DGKI: variants seen among roughly 807,000 people sequenced by gnomAD.
DGKI encodes diacylglycerol kinase iota.
In DGKI, 55 loss-of-function variants were observed where a neutral mutation model predicts 147.5. That is an observed-to-expected ratio of 0.37 (90% CI 0.30 to 0.47). DGKI has a LOEUF of 0.47. DGKI is among the 20% of genes least tolerant of loss of function. The probability of loss-of-function intolerance (pLI) is 1.00; values close to 1 mark genes in which losing one functional copy is unlikely to be tolerated. For synonymous variants in DGKI, 469 were observed against 477.1 expected (o/e 0.98, Z 0.22); for missense variants, 1,007 against 1,323.8 (o/e 0.76, Z 3.71).
intron 12 of DGKI, among the ~76,000 whole-genome samples, chr7:137,592,976 G>T (rs1819667202): frequency 6.6e-6 from 1 of 152,172 alleles, no homozygotes; most frequent in Non-Finnish European, 1.5e-5. Flanking sequence ...AATGAGGAAA[G>T]GGGCTTAGGA....
chr7:137,695,442 T>A lies in DGKI; in HGVS notation c.402-5440A>T, dbSNP rs1423692024. Among the ~76,000 whole-genome samples the A allele has an allele frequency of 2.0e-5, 3 of 152,350 alleles. No homozygotes were observed. In the East Asian group the frequency reaches 5.8e-4, roughly 29 times the overall value. On this transcript the variant is annotated intron_variant, in intron 1 of 32. Transcript: ENST00000614521. Reference sequence around the variant, plus strand: ...CTTACATTTGAACAGAAAATACATTTTGCCAGGCACTGAATCTTTTTACAT... The same window carrying A: ...CTTACATTTGAACAGAAAATACATTATGCCAGGCACTGAATCTTTTTACAT...
chr7:137,526,039 A>G (rs1301925048), intron 20 of DGKI, among the ~76,000 whole-genome samples: 1 of 152,158 alleles, frequency 6.6e-6, no homozygotes, highest in African/African-American at 2.4e-5. Flanking sequence ...GATTAAATGA[A>G]AGCCAAGTAA....
rs1307556011 is a variant in DGKI at position 137,387,754 on chromosome 7, T to G, written c.*3466A>C. On this transcript the variant is annotated 3_prime_UTR_variant, in exon 33 of 33. Coordinates refer to ENST00000614521, the MANE Select transcript of DGKI (RefSeq NM_001321708.2). The stretch of plus-strand genomic sequence containing the variant: ...ATACTCATCTGTGGTATTAAAACAT[T>G]TTATAAAAAGCATGTGCCATTTTTA... The G allele has an allele frequency of 1.3e-5, 2 of 152,132 alleles. No homozygotes were observed. Among genetic ancestry groups the G allele is most frequent in the Non-Finnish European group, 2.9e-5 (2 of 68,020 alleles). 9.4% of individuals were successfully genotyped at this position (152,132 alleles called of 1,614,324 possible).
chr7:137,643,754 G>A (rs74806570), intron 6 of DGKI, among the ~76,000 whole-genome samples: 8,743 of 152,240 alleles, frequency 0.057, 750 homozygotes, highest in African/African-American at 0.18. Flanking sequence ...ATGCCAACAA[G>A]AGGCCAGAAG....
intron 1 of DGKI, among the ~76,000 whole-genome samples, chr7:137,840,636 T>G (rs796136228): frequency 5.3e-5 from 8 of 152,340 alleles, no homozygotes; most frequent in African/African-American, 1.9e-4. Context: ...AAATGGCTGA[T>G]GCAGGTACGC....
intron 30 of DGKI, among the ~76,000 whole-genome samples, chr7:137,406,594 C>T (rs534296898): frequency 2.6e-5 from 4 of 152,182 alleles, no homozygotes; most frequent in South Asian, 2.1e-4. Context: ...GGGTGTCTAA[C>T]GTGATTGATA....
chr7:137,476,434 A>AT (rs1303101399), intron 23 of DGKI, among the ~76,000 whole-genome samples: 1 of 152,020 alleles, frequency 6.6e-6, no homozygotes, highest in African/African-American at 2.4e-5. Context: ...AGACTATTCC[A>AT]TTTTTTATTT....
intron 1 of DGKI, among the ~76,000 whole-genome samples, chr7:137,742,552 T>C (rs1429171725): frequency 1.3e-5 from 2 of 152,120 alleles, no homozygotes; most frequent in East Asian, 3.9e-4. Context: ...GACCTTAATA[T>C]GCAGACCCAT....
chr7:137,507,472 A>C (rs1380791210), intron 21 of DGKI, among the ~76,000 whole-genome samples: 1 of 152,228 alleles, frequency 6.6e-6, no homozygotes, highest in African/African-American at 2.4e-5. Flanking sequence ...GGGCAACATA[A>C]GGAACATGCA....
intron 5 of DGKI, among the ~76,000 whole-genome samples, chr7:137,649,698 A>G (rs2129009966): frequency 6.6e-6 from 1 of 151,642 alleles, no homozygotes; most frequent in African/African-American, 2.4e-5. Context: ...AATCACCACT[A>G]AAGAATTTAG....
At chr7:137,577,992 C>T (rs1324628709) in intron 16 of DGKI, among the ~76,000 whole-genome samples, 2 of 152,200 alleles carry the variant, frequency 1.3e-5, no homozygotes, top group Admixed American at 6.5e-5. Flanking sequence ...TTGTTTCTCA[C>T]ATCCCTTTTT....
chr7:137,556,854 C>G (rs952063910), intron 19 of DGKI, among the ~76,000 whole-genome samples: 6 of 151,982 alleles, frequency 3.9e-5, no homozygotes, highest in African/African-American at 1.5e-4. Flanking sequence ...CCACAGTAAC[C>G]AGATATTTGG....
chr7:137,614,051 A>C (rs1182665679), intron 8 of DGKI, among the ~76,000 whole-genome samples: 1 of 152,182 alleles, frequency 6.6e-6, no homozygotes, highest in Admixed American at 6.6e-5. Context: ...TACAGGGAGC[A>C]TATTTATATA....
intron 1 of DGKI, among the ~76,000 whole-genome samples, chr7:137,758,087 T>C (rs1795743948): frequency 6.6e-6 from 1 of 152,234 alleles, no homozygotes; most frequent in Non-Finnish European, 1.5e-5. Flanking sequence ...TTCCAATATC[T>C]TGGGCTATAC....
Position 137,703,912 on chromosome 7 carries a change from AT to A in DGKI, c.402-13911del, listed in dbSNP as rs527621508. ...AAAATTTTTTTGGAGAAGATCAGAC[AT>A]TTTTTAAAAATTGCAGGCCAGGCAC... is the stretch of plus-strand genomic sequence containing the variant. On this transcript the variant is annotated intron_variant, in intron 1 of 32. Transcript: ENST00000614521. 1.1e-4 allele frequency among the ~76,000 whole-genome samples: 16 copies of A among 152,302 alleles called. No individual in the cohort carries two copies. In the South Asian group the frequency reaches 2.9e-3, roughly 28 times the overall value.
intron 28 of DGKI, among the ~76,000 whole-genome samples, chr7:137,412,566 G>C (rs1379103398): frequency 4.6e-5 from 7 of 152,172 alleles, no homozygotes; most frequent in African/African-American, 7.2e-5. Flanking sequence ...TAAAAGAGCA[G>C]GTTGTAACTT....
chr7:137,669,832 A>G (rs892239779), intron 3 of DGKI, among the ~76,000 whole-genome samples: 5 of 152,208 alleles, frequency 3.3e-5, no homozygotes, highest in African/African-American at 1.2e-4. Flanking sequence ...AACCCAACCC[A>G]ATGTGACTAC....
intron 23 of DGKI, among the ~76,000 whole-genome samples, chr7:137,484,720 A>G (rs1257806538): frequency 6.6e-6 from 1 of 152,074 alleles, no homozygotes; most frequent in Non-Finnish European, 1.5e-5. Context: ...GCTGGGATAA[A>G]GAATAACTGA....
chr7:137,704,142 C>T (rs1793930867), intron 1 of DGKI, among the ~76,000 whole-genome samples: 1 of 152,080 alleles, frequency 6.6e-6, no homozygotes, highest in Non-Finnish European at 1.5e-5. Flanking sequence ...ACCCAGCAGG[C>T]GGAGGTTGCA....
Sources: gnomAD v4.1 joint callset for allele counts (sites outside exome capture counted in the v4.1 genomes callset) on GRCh38, gnomAD v4.1.1 for gene constraint, MANE v1.5 for transcripts, NCBI Gene and HGNC (gene_info 2026-07-23, HGNC 2026-07-21) for gene names.